Variants in RPGRIP1L observed in about 807,000 individuals in gnomAD.
RPGRIP1L encodes protein fantom.
A neutral mutation model predicts 160.4 loss-of-function variants in RPGRIP1L; 131 were observed. The ratio of observed to expected loss-of-function variants is 0.82; its 90% CI spans 0.71 to 0.94. The LOEUF is 0.94. RPGRIP1L is among the 40% of genes least tolerant of loss of function. RPGRIP1L has a pLI of 0.00. For synonymous variants in RPGRIP1L, 510 were observed against 515.8 expected (o/e 0.99, Z 0.15); for missense variants, 1,522 against 1,535.8 (o/e 0.99, Z 0.15).
At position 53,619,241 on chromosome 16, in the gene RPGRIP1L, G is replaced by C. The variant is rs763906859; in HGVS notation, c.3433-33C>G. ...AAGAGCAAAAACAAAAAACAACAAA[G>C]AAATAAAATAATTGAACAAAAAGAT... is the stretch of plus-strand genomic sequence containing the variant. On this transcript the variant is annotated intron_variant, in intron 23 of 26. Coordinates refer to ENST00000647211, the MANE Select transcript of RPGRIP1L (RefSeq NM_015272.5). 3 of 1,583,464 alleles carry C rather than the reference G, an allele frequency of 1.9e-6. 1 individual carries two copies. The South Asian group carries it at 3.3e-5, about 18-fold the overall frequency.
chr16:53,618,506 C>T (rs1452632818), intron 24 of RPGRIP1L, among the ~76,000 whole-genome samples: 1 of 152,034 alleles, frequency 6.6e-6, no homozygotes, highest in Non-Finnish European at 1.5e-5. Flanking sequence ...AATATTTTTT[C>T]ACATTGTTTT....
chr16:53,692,184 T>G lies in RPGRIP1L; in HGVS notation c.411A>C (p.Lys137Asn). The G allele has an allele frequency of 6.2e-7, 1 of 1,614,190 alleles. No homozygotes were observed. Among genetic ancestry groups the G allele is most frequent in the Non-Finnish European group, 8.5e-7 (1 of 1,180,034 alleles). The change falls in exon 4 of 27, where the codon AAA becomes AAC. Residue 137 changes from lysine to asparagine, a missense_variant. Physicochemically the swap from Lys to Asn is moderately conservative, Grantham distance 94. Coordinates refer to ENST00000647211, the MANE Select transcript of RPGRIP1L (RefSeq NM_015272.5). ...ETLKNRLISA[K>N]QQLQTQGYRQ... ...TGTAACCCTGGGTTTGAAGTTGCTG[T>G]TTGGCTGAAATCAGTCTGTTTTTGA...
chr16:53,691,518 T>C (rs769321452), intron 4 of RPGRIP1L, among the ~76,000 whole-genome samples: 37 of 152,284 alleles, frequency 2.4e-4, no homozygotes, highest in Non-Finnish European at 4.1e-4. Context: ...TTACTTTACA[T>C]GTAAAGAAAA....
At position 53,692,282 on chromosome 16, in the gene RPGRIP1L, C is replaced by T. The variant is rs748967524; in HGVS notation, c.313G>A (p.Asp105Asn). 1 of 1,614,150 alleles carries T rather than the reference C, an allele frequency of 6.2e-7. No individual in the cohort carries two copies. The highest frequency in any genetic ancestry group is 8.5e-7 in the Non-Finnish European group (1 of 1,180,008). ...TCAATCATTTCTTCCATTTCCACAT[C>T]TCGTCCCAGCCGCTTGGGGCCGCCA... ...VGGGPKRLGR[D>N]VEMEEMIEQL... The change falls in exon 4 of 27, where the codon GAT becomes AAT. Residue 105 changes from aspartate (D) to asparagine (N), a missense_variant. Coordinates refer to ENST00000647211, the MANE Select transcript of RPGRIP1L (RefSeq NM_015272.5).
intron 14 of RPGRIP1L, among the ~76,000 whole-genome samples, chr16:53,655,969 T>G (rs956138245): frequency 1.3e-5 from 2 of 152,174 alleles, no homozygotes; most frequent in Non-Finnish European, 2.9e-5. Context: ...AACAAAGGCA[T>G]GGCAGTGGGC....
At chr16:53,630,079 CTCTG>C (rs1965426932) in intron 22 of RPGRIP1L, among the ~76,000 whole-genome samples, 3 of 152,120 alleles carry the variant, frequency 2.0e-5, no homozygotes, top group Non-Finnish European at 4.4e-5. Context: ...ACAGGTTCTC[CTCTG>C]TCACACAGGC....
chr16:53,611,603 T>C (rs1408068504), intron 24 of RPGRIP1L, among the ~76,000 whole-genome samples: 2 of 151,858 alleles, frequency 1.3e-5, no homozygotes, highest in Admixed American at 6.6e-5. Context: ...CTTTTTAGGG[T>C]GTGAGGTTTT....
chr16:53,672,234 T>A (rs1285934164), intron 8 of RPGRIP1L, among the ~76,000 whole-genome samples: 1 of 152,196 alleles, frequency 6.6e-6, no homozygotes, highest in East Asian at 1.9e-4. Context: ...TATTCATAAG[T>A]ATATTTTGCA....
At chr16:53,690,535 G>A (rs575857761) in intron 4 of RPGRIP1L, among the ~76,000 whole-genome samples, 4 of 152,216 alleles carry the variant, frequency 2.6e-5, no homozygotes, top group East Asian at 1.9e-4. Flanking sequence ...TCACTACGTC[G>A]CCCAGGCTAG....
intron 24 of RPGRIP1L, among the ~76,000 whole-genome samples, chr16:53,615,140 A>G (rs1964282172): frequency 6.6e-6 from 1 of 152,272 alleles, no homozygotes; most frequent in Admixed American, 6.5e-5. Flanking sequence ...ATTAAACTTC[A>G]ATTGTTCCAA....
chr16:53,665,485 T>C (rs746927883), intron 9 of RPGRIP1L, among the ~76,000 whole-genome samples: 7 of 152,174 alleles, frequency 4.6e-5, no homozygotes, highest in Admixed American at 1.3e-4. Context: ...CACAAAATGA[T>C]AGCATATTGA....
At chr16:53,636,898 AACTG>A (rs1358909916) in intron 21 of RPGRIP1L, among the ~76,000 whole-genome samples, 1 of 151,934 alleles carries the variant, frequency 6.6e-6, no homozygotes, top group African/African-American at 2.4e-5. Context: ...GTTGAAATAA[AACTG>A]ACAGACAATA....
At chr16:53,625,405 C>T (rs918051784) in intron 22 of RPGRIP1L, among the ~76,000 whole-genome samples, 3 of 149,136 alleles carry the variant, frequency 2.0e-5, no homozygotes, top group Non-Finnish European at 3.0e-5. Context: ...GGCGCCTCAG[C>T]CTGGCGGCCG....
chr16:53,625,745 G>A lies in RPGRIP1L; in HGVS notation c.3295-3389C>T, dbSNP rs1331222567. Among the ~76,000 whole-genome samples, 4 of 152,318 alleles carry A rather than the reference G, an allele frequency of 2.6e-5. No individual in the cohort carries two copies. In the East Asian group the frequency reaches 5.8e-4, roughly 22 times the overall value. ...AAGAAAGAGAGATCAGATTGTTACTGTGTCTGTGCAGAAAGAAGAAGACAT... is the reference window on the plus strand; with the variant it reads ...AAGAAAGAGAGATCAGATTGTTACTATGTCTGTGCAGAAAGAAGAAGACAT... On this transcript the variant is annotated intron_variant, in intron 22 of 26. Coordinates refer to ENST00000647211, the MANE Select transcript of RPGRIP1L (RefSeq NM_015272.5).
chr16:53,669,420 T>G (rs975423165), intron 9 of RPGRIP1L, among the ~76,000 whole-genome samples: 1 of 151,252 alleles, frequency 6.6e-6, no homozygotes, highest in Non-Finnish European at 1.5e-5. Context: ...CTGCTTTTAG[T>G]GTGACAGGAA....
intron 1 of RPGRIP1L, among the ~76,000 whole-genome samples, chr16:53,702,213 C>T (rs1421208992): frequency 6.6e-6 from 1 of 152,162 alleles, no homozygotes; most frequent in African/African-American, 2.4e-5. Flanking sequence ...TCCTGCTTTA[C>T]AAATGAGGAA....
intron 13 of RPGRIP1L, 101 bp from the exon 14 acceptor site, chr16:53,656,690 T>A (rs1450833880): frequency 4.6e-6 from 4 of 878,528 alleles, no homozygotes; most frequent in African/African-American, 1.6e-5. Context: ...CTGGAAATAG[T>A]AGGAGCTATG....
At chr16:53,698,803 C>T (rs537371166) in intron 2 of RPGRIP1L, among the ~76,000 whole-genome samples, 2 of 148,360 alleles carry the variant, frequency 1.3e-5, no homozygotes, top group East Asian at 2.1e-4. Flanking sequence ...CCGCCTCGTC[C>T]GGGAGGTGAG....
intron 22 of RPGRIP1L, among the ~76,000 whole-genome samples, chr16:53,634,534 G>T (rs1170633333): frequency 6.6e-6 from 1 of 152,166 alleles, no homozygotes; most frequent in East Asian, 1.9e-4. Flanking sequence ...TGGGGAGGTG[G>T]AGTCTATTGG....
Sources: gnomAD v4.1 joint callset for allele counts (sites outside exome capture counted in the v4.1 genomes callset) on GRCh38, gnomAD v4.1.1 for gene constraint, MANE v1.5 for transcripts, NCBI Gene and HGNC (gene_info 2026-07-23, HGNC 2026-07-21) for gene names.